Variants in FBXW8 observed in about 807,000 individuals in gnomAD.
FBXW8 encodes the protein F-box and WD repeat domain containing 8.
A neutral mutation model predicts 65.3 loss-of-function variants in FBXW8; 57 were observed. The observed-to-expected ratio is 0.87, with a 90% confidence interval of 0.71 to 1.09. FBXW8 has a LOEUF of 1.09. Ranked by LOEUF, FBXW8 falls within the 50% of genes least tolerant of loss-of-function variation. FBXW8 has a pLI of 0.00. For missense variants in FBXW8, 777 were observed against 814.8 expected, an observed-to-expected ratio of 0.95 and a Z score of 0.57; for synonymous variants, 308 against 330.2, an observed-to-expected ratio of 0.93 and a Z score of 0.73.
chr12:116,963,851 C>T (rs769091710), intron 4 of FBXW8, among the ~76,000 whole-genome samples: 69 of 152,148 alleles, frequency 4.5e-4, no homozygotes, highest in Non-Finnish European at 9.3e-4. Context: ...CATTTCTCAC[C>T]ACTTTTCCCC....
intron 8 of FBXW8, among the ~76,000 whole-genome samples, chr12:117,011,209 T>TGCTGGCGCCCCCTCCCCTGGG (rs1953802776): frequency 7.0e-6 from 1 of 142,998 alleles, no homozygotes; most frequent in Non-Finnish European, 1.5e-5. Context: ...GGCCAGGGGC[T>TGCTGGCGCCCCCTCCCCTGGG]GCTGGCGCCC....
In FBXW8 at chr12:117,015,729, TA is replaced by T. The variant is rs1032299387; in HGVS notation, c.1367+5280del. On this transcript the variant is annotated intron_variant, in intron 8 of 10. Transcript: ENST00000652555. The stretch of plus-strand genomic sequence containing the variant: ...CCACATAATTCACCAATTTAAATTG[TA>T]CAATTCAGTGTTTTAAGTAGGTCCA... 3.5e-4 allele frequency among the ~76,000 whole-genome samples: 53 copies of T among 151,998 alleles called. 1 individual carries two copies. Among genetic ancestry groups the T allele is most frequent in the African/African-American group, 1.2e-3 (51 of 41,238 alleles).
At chr12:116,968,096 T>G (rs1414746044) in intron 5 of FBXW8, among the ~76,000 whole-genome samples, 1 of 152,192 alleles carries the variant, frequency 6.6e-6, no homozygotes, top group Non-Finnish European at 1.5e-5. Context: ...TGGACTTGTT[T>G]TCTAGAAGGT....
In FBXW8 at chr12:117,030,756, C is replaced by T. The variant is rs1270146837; in HGVS notation, c.*2584C>T. On this transcript the variant is annotated 3_prime_UTR_variant, in exon 11 of 11. Coordinates refer to ENST00000652555, the MANE Select transcript of FBXW8 (RefSeq NM_153348.3). ...GTTTTGTAAAGGAGAATTTTTTGGA[C>T]TCAAGCTGTCATCTTCAAGCACGCC... is the stretch of plus-strand genomic sequence containing the variant. 2 of 152,180 alleles carry T rather than the reference C, an allele frequency of 1.3e-5. No individual in the cohort carries two copies. The highest frequency in any genetic ancestry group is 4.8e-5 in the African/African-American group (2 of 41,444). The allele number at this position is 152,180 out of a possible 1,614,324, so 9.4% of individuals were successfully genotyped here. A position where few individuals can be genotyped will look rare whatever the true frequency, so the allele number is the denominator to read the frequency against.
At chr12:117,001,965 A>G (rs1402011913) in intron 7 of FBXW8, among the ~76,000 whole-genome samples, 3 of 152,154 alleles carry the variant, frequency 2.0e-5, no homozygotes, top group Admixed American at 2.0e-4. Flanking sequence ...TATTATTCCC[A>G]GCACCTACGG....
chr12:116,951,506 C>T (rs1160636959), intron 4 of FBXW8: 2 of 152,178 alleles, frequency 1.3e-5, no homozygotes, highest in African/African-American at 4.8e-5. Context: ...GTACTTACCT[C>T]GTGTTTCTCT....
intron 7 of FBXW8, among the ~76,000 whole-genome samples, chr12:117,005,736 G>A (rs1953658868): frequency 1.3e-5 from 2 of 152,222 alleles, no homozygotes; most frequent in African/African-American, 4.8e-5. Context: ...TGGAGTGGAC[G>A]GAAAAGAAGA....
chr12:116,933,841 T>C (rs1207525479), intron 2 of FBXW8, among the ~76,000 whole-genome samples: 1 of 152,110 alleles, frequency 6.6e-6, no homozygotes, highest in African/African-American at 2.4e-5. Context: ...TTTCTTGGGG[T>C]GTTTTTATTT....
At chr12:116,996,910 G>A (rs1015373368) in intron 7 of FBXW8, among the ~76,000 whole-genome samples, 8 of 152,120 alleles carry the variant, frequency 5.3e-5, no homozygotes, top group South Asian at 2.1e-4. Context: ...CCTTAACAGC[G>A]ACTTGGCGAT....
chr12:116,958,484 A>G (rs562218554), intron 4 of FBXW8, among the ~76,000 whole-genome samples: 5 of 152,308 alleles, frequency 3.3e-5, no homozygotes, highest in East Asian at 1.9e-4. Flanking sequence ...AACCACTTCC[A>G]TCTTCTGGGT....
intron 4 of FBXW8, chr12:116,949,919 C>G (rs746815866): frequency 1.9e-6 from 1 of 530,508 alleles, no homozygotes; most frequent in Non-Finnish European, 3.4e-6. Flanking sequence ...TAGAGCGGAT[C>G]TGTGATCCAT....
chr12:116,922,797 AGT>A (rs916504724), intron 1 of FBXW8, among the ~76,000 whole-genome samples: 4 of 151,166 alleles, frequency 2.6e-5, no homozygotes, highest in African/African-American at 9.8e-5. Flanking sequence ...GACCCCTTTG[AGT>A]GTGTGTGTGT....
At chr12:116,997,003 T>C (rs1165509599) in intron 7 of FBXW8, among the ~76,000 whole-genome samples, 1 of 152,134 alleles carries the variant, frequency 6.6e-6, no homozygotes, top group Non-Finnish European at 1.5e-5. Context: ...TGATAGAAAA[T>C]CATGTAGATA....
chr12:117,000,600 C>G (rs1238344379), intron 7 of FBXW8, among the ~76,000 whole-genome samples: 1 of 152,180 alleles, frequency 6.6e-6, no homozygotes, highest in East Asian at 1.9e-4. Context: ...AGTCCTGGGA[C>G]CACACTTTGA....
At position 116,962,565 on chromosome 12, in the gene FBXW8, C is replaced by T. The variant is rs544818856; in HGVS notation, c.678-2132C>T. On this transcript the variant is annotated intron_variant, in intron 4 of 10. Transcript: ENST00000652555. ...TTAGCAGGAAGCAGAAGGACAGAGA[C>T]TGGCAAGAAGGAAATACAGTTTCCT... Among the ~76,000 whole-genome samples the T allele has an allele frequency of 2.6e-5, 4 of 152,336 alleles. No individual in the cohort carries two copies. In the East Asian group the frequency reaches 7.7e-4, roughly 29 times the overall value.
intron 8 of FBXW8, among the ~76,000 whole-genome samples, chr12:117,018,417 T>C (rs1954009807): frequency 6.6e-6 from 1 of 152,276 alleles, no homozygotes. Context: ...TTTGCTGTGC[T>C]ACCTGTTTCC....
chr12:116,920,622 A>G (rs772260854), intron 1 of FBXW8, among the ~76,000 whole-genome samples: 4 of 152,150 alleles, frequency 2.6e-5, no homozygotes, highest in African/African-American at 4.8e-5. Context: ...TGGAGAACCT[A>G]AAGGAGGTGA....
At chr12:116,933,782 A>T (rs1881954641) in intron 2 of FBXW8, among the ~76,000 whole-genome samples, 1 of 152,242 alleles carries the variant, frequency 6.6e-6, no homozygotes, top group Admixed American at 6.5e-5. Flanking sequence ...TTCATCAATC[A>T]TTAAAATTAA....
chr12:116,930,199 A>G (rs539432845), intron 2 of FBXW8, among the ~76,000 whole-genome samples: 2 of 152,348 alleles, frequency 1.3e-5, no homozygotes, highest in East Asian at 3.9e-4. Context: ...AGCAACCAGA[A>G]TTGCTGAATC....
Sources: gnomAD v4.1 joint callset for allele counts (sites outside exome capture counted in the v4.1 genomes callset) on GRCh38, gnomAD v4.1.1 for gene constraint, MANE v1.5 for transcripts, NCBI Gene and HGNC (gene_info 2026-07-23, HGNC 2026-07-21) for gene names.